Variants in GHR observed in about 807,000 individuals in gnomAD.
GHR encodes the protein GH receptor.
In GHR, 35 loss-of-function variants were observed where a neutral mutation model predicts 67.1. The ratio of observed to expected loss-of-function variants is 0.52; its 90% CI spans 0.40 to 0.69. The LOEUF is 0.69. Ranked by LOEUF, GHR falls within the 30% of genes least tolerant of loss-of-function variation. The pLI is 0.00. For synonymous variants in GHR, 272 were observed against 269.1 expected (o/e 1.01, Z -0.10); for missense variants, 792 against 764.6 (o/e 1.04, Z -0.42).
chr5:42,512,109 C>T (rs1004403687), intron 1 of GHR, among the ~76,000 whole-genome samples: 1 of 152,042 alleles, frequency 6.6e-6, no homozygotes, highest in African/African-American at 2.4e-5. Flanking sequence ...TAGGACATTC[C>T]AATACTCCAC....
At chr5:42,518,457 C>CA (rs1747336567) in intron 1 of GHR, among the ~76,000 whole-genome samples, 1 of 152,056 alleles carries the variant, frequency 6.6e-6, no homozygotes, top group Admixed American at 6.6e-5. Context: ...CAGGGCTCTG[C>CA]AAAAATAGTA....
At chr5:42,515,388 A>G (rs1446804767) in intron 1 of GHR, among the ~76,000 whole-genome samples, 4 of 152,180 alleles carry the variant, frequency 2.6e-5, no homozygotes, top group Admixed American at 2.6e-4. Context: ...CAGTCAATTT[A>G]CCAATGGAAT....
At chr5:42,517,252 T>C (rs1747278537) in intron 1 of GHR, among the ~76,000 whole-genome samples, 1 of 152,198 alleles carries the variant, frequency 6.6e-6, no homozygotes, top group African/African-American at 2.4e-5. Context: ...AACTTCAGAA[T>C]TTTCCTTGGA....
intron 2 of GHR, among the ~76,000 whole-genome samples, chr5:42,610,235 T>G (rs531471111): frequency 6.6e-6 from 1 of 152,206 alleles, no homozygotes; most frequent in Non-Finnish European, 1.5e-5. Context: ...TTGCAGCTGC[T>G]GGCTCCTCCT....
intron 3 of GHR, among the ~76,000 whole-genome samples, chr5:42,651,248 A>G (rs937407875): frequency 9.2e-5 from 14 of 152,276 alleles, no homozygotes; most frequent in Admixed American, 9.2e-4. Flanking sequence ...GTTTGGTCCT[A>G]AGTTACCTTC....
chr5:42,503,115 G>T (rs551687121), intron 1 of GHR, among the ~76,000 whole-genome samples: 1 of 152,258 alleles, frequency 6.6e-6, no homozygotes, highest in African/African-American at 2.4e-5. Flanking sequence ...CCAGGGTCAG[G>T]TATAGAGCTC....
intron 1 of GHR, among the ~76,000 whole-genome samples, chr5:42,465,015 A>G (rs951488814): frequency 2.6e-5 from 4 of 152,258 alleles, no homozygotes; most frequent in African/African-American, 4.8e-5. Flanking sequence ...CCTATTGTCA[A>G]TTGAGCAACT....
At chr5:42,531,141 G>A (rs559225536) in intron 1 of GHR, among the ~76,000 whole-genome samples, 2 of 152,026 alleles carry the variant, frequency 1.3e-5, no homozygotes, top group South Asian at 2.1e-4. Context: ...GGTGGTGTGC[G>A]CCTGTAATCC....
At chr5:42,581,060 C>A (rs984472096) in intron 2 of GHR, among the ~76,000 whole-genome samples, 8 of 152,202 alleles carry the variant, frequency 5.3e-5, no homozygotes, top group South Asian at 2.1e-4. Context: ...CATTACAAAT[C>A]TCTTTCTTAT....
intron 2 of GHR, among the ~76,000 whole-genome samples, chr5:42,627,823 C>G (rs1753780126): frequency 6.6e-6 from 1 of 152,248 alleles, no homozygotes; most frequent in Non-Finnish European, 1.5e-5. Context: ...TCAATGGACC[C>G]TCTGCCTTAT....
intron 2 of GHR, among the ~76,000 whole-genome samples, chr5:42,619,277 C>G (rs1450705795): frequency 1.3e-5 from 2 of 151,986 alleles, no homozygotes; most frequent in Non-Finnish European, 2.9e-5. Context: ...CCTCCACAAC[C>G]TCAAATCCTT....
intron 1 of GHR, among the ~76,000 whole-genome samples, chr5:42,463,223 A>C (rs906593144): frequency 2.6e-5 from 4 of 152,230 alleles, no homozygotes; most frequent in African/African-American, 9.6e-5. Flanking sequence ...GAGTTTTCTT[A>C]GGTGAAAACT....
chr5:42,631,859 C>CG (rs1224677481), intron 3 of GHR, among the ~76,000 whole-genome samples: 5 of 152,124 alleles, frequency 3.3e-5, no homozygotes, highest in African/African-American at 9.7e-5. Context: ...AATGCCACTG[C>CG]CCTCTCCAAG....
intron 1 of GHR, chr5:42,548,118 C>T (rs1447172381): frequency 1.0e-6 from 1 of 985,242 alleles, no homozygotes; most frequent in Non-Finnish European, 1.2e-6. Context: ...GCCTTCAGTT[C>T]AGCAGGCAGA....
At chr5:42,569,735 A>G (rs747263239) in intron 2 of GHR, among the ~76,000 whole-genome samples, 124 of 151,694 alleles carry the variant, frequency 8.2e-4, no homozygotes, top group Non-Finnish European at 1.0e-3. Flanking sequence ...ACATATACAT[A>G]TACATGTATA....
chr5:42,715,158 C>CTGAAA (rs1758658890), intron 8 of GHR: 1 of 283,004 alleles, frequency 3.5e-6, no homozygotes, highest in Non-Finnish European at 7.4e-6. Flanking sequence ...CTTTATTGTT[C>CTGAAA]TCCCAAATTT....
At chr5:42,716,379 G>A (rs1758725278) in intron 8 of GHR, among the ~76,000 whole-genome samples, 1 of 152,122 alleles carries the variant, frequency 6.6e-6, no homozygotes, top group African/African-American at 2.4e-5. Flanking sequence ...TAGTGCAGGG[G>A]TCACAAACTT....
intron 1 of GHR, chr5:42,467,503 G>T: frequency 9.0e-7 from 1 of 1,114,476 alleles, no homozygotes; most frequent in Non-Finnish European, 1.4e-6. Flanking sequence ...CTGGTGCCGA[G>T]CAAGTTGTGA....
chr5:42,621,004 C>T (rs1753415561), intron 2 of GHR, among the ~76,000 whole-genome samples: 1 of 152,074 alleles, frequency 6.6e-6, no homozygotes, highest in Non-Finnish European at 1.5e-5. Flanking sequence ...TGGCCCAGTG[C>T]CAAAATGTGA....
Sources: gnomAD v4.1 joint callset for allele counts (sites outside exome capture counted in the v4.1 genomes callset) on GRCh38, gnomAD v4.1.1 for gene constraint, MANE v1.5 for transcripts, NCBI Gene and HGNC (gene_info 2026-07-23, HGNC 2026-07-21) for gene names.